The following OTOF variants were observed in gnomAD, a reference collection of about 807,000 sequenced individuals.
OTOF encodes otoferlin.
A neutral mutation model predicts 236.8 loss-of-function variants in OTOF; 218 were observed. That is an observed-to-expected ratio of 0.92 (90% CI 0.82 to 1.03). OTOF has a LOEUF of 1.03. Among genes scored for constraint, OTOF ranks in the 50% least tolerant of loss-of-function variants. The pLI is 0.00. For synonymous variants in OTOF, 1,041 were observed against 1,072.5 expected (o/e 0.97, Z 0.57); for missense variants, 2,590 against 2,694.4 (o/e 0.96, Z 0.86).
rs867025719 is a variant in OTOF, at chr2:26,477,749, C to T, written c.2215G>A (p.Glu739Lys). Residue 739 changes from glutamate to lysine, a missense_variant and splice_region_variant, in exon 19 of 47, where the codon GAA becomes AAA. Coordinates refer to ENST00000272371, the MANE Select transcript of OTOF (RefSeq NM_194248.3). This position sits in a 1 kb window ranked among gnomAD's most constrained non-coding sequence, Gnocchi z 4.7. ...NIMDHIADKL[E>K]EGLNDIQEMI... ...TCCTGTATGTCGTTCAGGCCTTCTT[C>T]CTGTGAATCAGGAGTGTGGGTGATG... 2.5e-6 allele frequency: 4 copies of T among 1,612,746 alleles called. No individual in the cohort carries two copies. The highest frequency in any genetic ancestry group is 3.4e-6 in the Non-Finnish European group (4 of 1,179,944).
chr2:26,503,777 C>T lies in OTOF; in HGVS notation c.578G>A (p.Arg193Lys). The stretch of plus-strand genomic sequence containing the variant: ...TCACGCGGCACCTGTCCTACCTGGT[C>T]TTTGGGGCTCCTCCTTGTGAGACCG... ...KNRSHKEEPQ[R>K]PDEPAVLEME... Residue 193 changes from arginine to lysine, a missense_variant, in exon 6 of 47, where the codon AGA becomes AAA. Around this residue, in one of 2 missense-constraint regions of OTOF, gnomAD observed 1,379 missense variants for 1,341.6 expected, o/e 1.03. Transcript: ENST00000272371. The T allele has an allele frequency of 6.2e-7, 1 of 1,613,840 alleles. No homozygotes were observed. Among genetic ancestry groups the T allele is most frequent in the African/African-American group, 1.3e-5 (1 of 75,044 alleles).
intron 1 of OTOF, among the ~76,000 whole-genome samples, chr2:26,555,752 A>G (rs535725150): frequency 1.3e-5 from 2 of 152,114 alleles, no homozygotes; most frequent in East Asian, 1.9e-4. Context: ...TATATCTCAC[A>G]TGGGGCCCTC....
chr2:26,459,416 G>C (rs961904228), intron 46 of OTOF, among the ~76,000 whole-genome samples: 1 of 152,126 alleles, frequency 6.6e-6, no homozygotes, highest in Non-Finnish European at 1.5e-5. Context: ...TCCAGGCGTG[G>C]TGGCGGGTGC....
intron 4 of OTOF, among the ~76,000 whole-genome samples, chr2:26,517,746 T>C (rs969394843): frequency 6.6e-6 from 1 of 152,192 alleles, no homozygotes; most frequent in Non-Finnish European, 1.5e-5. Flanking sequence ...ATTGTTCCCA[T>C]TCATAACAAT....
chr2:26,466,240 T>G, intron 36 of OTOF, 164 bp from the exon 37 acceptor site: 1 of 775,656 alleles, frequency 1.3e-6, no homozygotes. Flanking sequence ...GCTACCCCTC[T>G]CTGGGCGTTG....
Position 26,476,919 on chromosome 2 carries a change from C to G in OTOF, c.2648G>C (p.Cys883Ser). The change falls in exon 22 of 47, where the codon TGC (cysteine) becomes TCC (serine). Residue 883 changes from cysteine to serine, a missense_variant. By Grantham distance (112) the Cys-to-Ser change is moderately radical. Transcript: ENST00000272371. Reference sequence around the variant, plus strand: ...AAGGAAGAGCGTCTTGACCTTGGCGCAGTCCTTGCCAGTCTCCTCCTCCAC... The same window carrying G: ...AAGGAAGAGCGTCTTGACCTTGGCGGAGTCCTTGCCAGTCTCCTCCTCCAC... ...SIVEEETGKD[C>S]AKVKTLFLKL... 6.2e-7 allele frequency: 1 copy of G among 1,611,194 alleles called. No individual in the cohort carries two copies. Among genetic ancestry groups the G allele is most frequent in the East Asian group, 2.2e-5 (1 of 44,770 alleles).
chr2:26,490,800 G>A (rs1450289333), intron 9 of OTOF, among the ~76,000 whole-genome samples: 1 of 152,136 alleles, frequency 6.6e-6, no homozygotes, highest in Admixed American at 6.5e-5. Context: ...TCACTTGGGG[G>A]GCTTCAAGGT....
intron 2 of OTOF, among the ~76,000 whole-genome samples, chr2:26,537,430 A>G (rs1283846067): frequency 3.3e-5 from 5 of 152,210 alleles, no homozygotes; most frequent in African/African-American, 1.2e-4. Context: ...CACAGGGAAT[A>G]ACAGGCCCAG....
intron 18 of OTOF, among the ~76,000 whole-genome samples, chr2:26,478,674 C>T (rs371714034): frequency 9.0e-5 from 13 of 144,390 alleles, no homozygotes; most frequent in South Asian, 2.2e-4. Flanking sequence ...CTTCCCTAGC[C>T]TTGCTTTTTT....
In OTOF at chr2:26,475,239, C is replaced by T. The variant is rs925885339; in HGVS notation, c.3126+120G>A. The T allele has an allele frequency of 2.6e-6, 3 of 1,171,346 alleles. No individual in the cohort carries two copies. The African/African-American group carries it at 4.5e-5, about 18-fold the overall frequency. 72.6% of individuals were successfully genotyped at this position (1,171,346 alleles called of 1,614,324 possible). A position where few individuals can be genotyped will look rare whatever the true frequency, so the allele number is the denominator to read the frequency against. ...TCCCAGCTTCCCAGCCAGCACCTGG[C>T]CAAGGAGCTCTGCAGGTGGGTGGCG... On this transcript the variant is annotated intron_variant, in intron 25 of 46. Coordinates refer to ENST00000272371, the MANE Select transcript of OTOF (RefSeq NM_194248.3).
intron 2 of OTOF, among the ~76,000 whole-genome samples, chr2:26,533,881 C>A (rs544227574): frequency 1.3e-5 from 2 of 152,132 alleles, no homozygotes; most frequent in African/African-American, 4.8e-5. Context: ...GAGGTAACAG[C>A]CATGACTTCC....
chr2:26,462,185 G>A lies in OTOF; in HGVS notation c.5193-4C>T. 1 of 1,613,720 alleles carries A rather than the reference G, an allele frequency of 6.2e-7. No individual in the cohort carries two copies. Reference sequence around the variant, plus strand: ...GATGATGACCCGCAGCTCGTACCTGGGCCCAGGGAGAGAAGGCTGGTTAGC... The same window carrying A: ...GATGATGACCCGCAGCTCGTACCTGAGCCCAGGGAGAGAAGGCTGGTTAGC... On this transcript the variant is annotated splice_polypyrimidine_tract_variant and splice_region_variant and intron_variant, in intron 41 of 46. Coordinates refer to ENST00000272371, the MANE Select transcript of OTOF (RefSeq NM_194248.3). The surrounding 1 kb of genome is among the most constrained non-coding windows in gnomAD (Gnocchi z 4.7).
rs76523616 is a variant in OTOF, at chr2:26,541,895, C to G, written c.80-4121G>C. 2.4e-3 allele frequency among the ~76,000 whole-genome samples: 372 copies of G among 152,284 alleles called. 1 individual carries two copies. Among genetic ancestry groups the G allele is most frequent in the African/African-American group, 8.6e-3 (359 of 41,556 alleles). On this transcript the variant is annotated intron_variant, in intron 1 of 46. Transcript: ENST00000272371. ...TTCGATGGGGGAAATAGAACAGCAT[C>G]CTCCTTCCTTCTGAGGCAGCTGCTC...
rs2148035563 is a variant in OTOF at position 26,470,555 on chromosome 2, G to GA, written c.4023+37dup. 6.2e-7 allele frequency: 1 copy of GA among 1,607,232 alleles called. No homozygotes were observed. Among genetic ancestry groups the GA allele is most frequent in the Non-Finnish European group, 8.5e-7 (1 of 1,173,852 alleles). On this transcript the variant is annotated intron_variant, in intron 32 of 46. Coordinates refer to ENST00000272371, the MANE Select transcript of OTOF (RefSeq NM_194248.3). This position sits in a 1 kb window ranked among gnomAD's most constrained non-coding sequence, Gnocchi z 4.3. ...AGCTGGACAGGAGGGTCTGAGTGTGGAGGGGGTCACCTCCCCTCACCCTAC... is the reference window on the plus strand; with the variant it reads ...AGCTGGACAGGAGGGTCTGAGTGTGGAAGGGGGTCACCTCCCCTCACCCTAC...
At chr2:26,494,740 G>A (rs569582624) in intron 9 of OTOF, among the ~76,000 whole-genome samples, 3 of 152,122 alleles carry the variant, frequency 2.0e-5, no homozygotes, top group Non-Finnish European at 4.4e-5. Flanking sequence ...GTGTCGGCCT[G>A]TGCTCTAGAC....
In OTOF at chr2:26,467,136, C is replaced by A; in HGVS notation, c.4325G>T (p.Gly1442Val). The change falls in exon 35 of 47, where the codon GGC becomes GTC. Residue 1442 changes from glycine (G) to valine (V), a missense_variant. This residue lies in a region of OTOF where 1,211 missense variants were observed against 1,352.8 expected (regional missense o/e 0.90). Transcript: ENST00000272371. ...LRGKTGDDED[G>V]STEEERIVGR... ...CACAATGCGCTCCTCCTCGGTGGAG[C>A]CATCCTCATCATCCCCGGTCTTGCC... 1 of 1,613,874 alleles carries A rather than the reference C, an allele frequency of 6.2e-7. No individual in the cohort carries two copies. The highest frequency in any genetic ancestry group is 2.2e-5 in the East Asian group (1 of 44,862).
intron 2 of OTOF, among the ~76,000 whole-genome samples, chr2:26,535,960 C>A (rs1667060611): frequency 6.6e-6 from 1 of 152,208 alleles, no homozygotes; most frequent in African/African-American, 2.4e-5. Context: ...TCAGGTTGCC[C>A]CCTGGCTGAA....
At chr2:26,502,483 T>G (rs939624916) in intron 6 of OTOF, 57 bp from the exon 7 acceptor site, 40 of 1,563,178 alleles carry the variant, frequency 2.6e-5, no homozygotes, top group Non-Finnish European at 2.8e-5. Flanking sequence ...TAGTGACCAT[T>G]TCTCCTTTTA....
intron 8 of OTOF, among the ~76,000 whole-genome samples, chr2:26,498,488 C>T (rs139091279): frequency 6.6e-6 from 1 of 152,332 alleles, no homozygotes; most frequent in East Asian, 1.9e-4. Context: ...GCTGGTCATT[C>T]TCCAGGGTTC....
Sources: gnomAD v4.1 joint callset for allele counts (sites outside exome capture counted in the v4.1 genomes callset) on GRCh38, gnomAD v4.1.1 for gene constraint, gnomAD v4.1.1 regional missense constraint, Gnocchi (gnomAD v3.1) non-coding constraint, MANE v1.5 for transcripts, NCBI Gene and HGNC (gene_info 2026-07-23, HGNC 2026-07-21) for gene names.